Variants in NAALADL2 observed in about 807,000 individuals in gnomAD.
NAALADL2 encodes inactive N-acetylated-alpha-linked acidic dipeptidase-like protein 2.
NAALADL2 carries 76 observed loss-of-function variants against 87.2 expected under a neutral mutation model. The observed-to-expected ratio is 0.87, with a 90% CI of 0.72 to 1.05. NAALADL2 has a LOEUF of 1.05. NAALADL2 is among the 50% of genes least tolerant of loss of function. The pLI, the probability that NAALADL2 is intolerant of heterozygous loss-of-function variation, is 0.00. For synonymous variants in NAALADL2, 354 were observed against 331.0 expected (o/e 1.07, Z -0.75); for missense variants, 1,089 against 945.8 (o/e 1.15, Z -1.99).
chr3:174,446,026 TTAA>T (rs1715026930), intron 1 of NAALADL2, among the ~76,000 whole-genome samples: 1 of 152,192 alleles, frequency 6.6e-6, no homozygotes. Flanking sequence ...AAATTGTAAT[TTAA>T]TTGTTTTGAC....
chr3:175,582,469 T>A (rs1719929065), intron 10 of NAALADL2, among the ~76,000 whole-genome samples: 1 of 152,340 alleles, frequency 6.6e-6, no homozygotes, highest in Admixed American at 6.5e-5. Context: ...CTTGTGATCA[T>A]CTTTGTTATG....
chr3:174,610,932 T>G (rs1036133467), intron 2 of NAALADL2, among the ~76,000 whole-genome samples: 57 of 152,206 alleles, frequency 3.7e-4, no homozygotes, highest in Middle Eastern at 3.4e-3. Flanking sequence ...CCAACAGTGA[T>G]AGACTGGATT....
chr3:174,518,263 G>A (rs1214441778), intron 1 of NAALADL2, among the ~76,000 whole-genome samples: 9 of 152,038 alleles, frequency 5.9e-5, no homozygotes, highest in African/African-American at 2.2e-4. Flanking sequence ...GACCAACATT[G>A]GCCATCAGCT....
chr3:175,049,081 T>G (rs1755039706), intron 1 of NAALADL2, among the ~76,000 whole-genome samples: 1 of 152,146 alleles, frequency 6.6e-6, no homozygotes, highest in Admixed American at 6.6e-5. Context: ...TAACCTTGAA[T>G]AGTACTCAAC....
At chr3:175,792,186 G>GGTACTTTTTCTTAGC (rs1752872121) in intron 13 of NAALADL2, among the ~76,000 whole-genome samples, 1 of 152,126 alleles carries the variant, frequency 6.6e-6, no homozygotes, top group African/African-American at 2.4e-5. Flanking sequence ...CGAATAAACT[G>GGTACTTTTTCTTAGC]TGAGGAAATT....
intron 9 of NAALADL2, among the ~76,000 whole-genome samples, chr3:175,487,229 A>G (rs1372029352): frequency 1.3e-5 from 2 of 152,050 alleles, no homozygotes; most frequent in Non-Finnish European, 2.9e-5. Context: ...GTAATTTGCA[A>G]TCCCCACTGC....
chr3:175,779,869 T>C (rs1295644617), intron 13 of NAALADL2, among the ~76,000 whole-genome samples: 1 of 152,216 alleles, frequency 6.6e-6, no homozygotes, highest in Non-Finnish European at 1.5e-5. Context: ...GAATGTCTTT[T>C]ATTCTTACTG....
rs893201783 is a variant in NAALADL2 at position 175,160,488 on chromosome 3, G to A, written c.545+63197G>A. ...CTGCCTCAGCCTCCTAAGTAACTGG[G>A]ATTACAGGCATGCACCTCCACATCC... is the stretch of plus-strand genomic sequence containing the variant. On this transcript the variant is annotated intron_variant, in intron 2 of 13. Coordinates refer to ENST00000454872, the MANE Select transcript of NAALADL2 (RefSeq NM_207015.3). 8.7e-5 allele frequency among the ~76,000 whole-genome samples: 13 copies of A among 148,616 alleles called. No homozygotes were observed. In the East Asian group the frequency reaches 2.7e-3, roughly 30 times the overall value.
At chr3:175,243,629 T>C (rs1408411331) in intron 3 of NAALADL2, among the ~76,000 whole-genome samples, 2 of 142,668 alleles carry the variant, frequency 1.4e-5, no homozygotes, top group Non-Finnish European at 3.0e-5. Flanking sequence ...AGATTGCCAA[T>C]TACAGCATGG....
intron 5 of NAALADL2, among the ~76,000 whole-genome samples, chr3:175,368,705 A>G (rs1253970322): frequency 6.6e-6 from 1 of 152,086 alleles, no homozygotes; most frequent in Non-Finnish European, 1.5e-5. Context: ...AGAGAACATC[A>G]TAGAGTGCAC....
chr3:175,718,606 G>T (rs112257318), intron 11 of NAALADL2: 56 of 1,593,698 alleles, frequency 3.5e-5, no homozygotes, highest in Non-Finnish European at 4.6e-5. Flanking sequence ...GGCCTTCTTC[G>T]AGTTTTTCCA....
intron 9 of NAALADL2, among the ~76,000 whole-genome samples, chr3:175,555,568 A>C (rs114808675): frequency 6.6e-6 from 1 of 152,174 alleles, no homozygotes; most frequent in Non-Finnish European, 1.5e-5. Flanking sequence ...GCTCCTTGAC[A>C]ATATAAAATA....
intron 4 of NAALADL2, among the ~76,000 whole-genome samples, chr3:175,265,900 A>G (rs1455520906): frequency 6.6e-6 from 1 of 151,328 alleles, no homozygotes; most frequent in Non-Finnish European, 1.5e-5. Context: ...TTAATTTATT[A>G]TCCTCATGAA....
chr3:175,032,941 T>C (rs1342383573), intron 1 of NAALADL2, among the ~76,000 whole-genome samples: 6 of 152,092 alleles, frequency 3.9e-5, no homozygotes, highest in African/African-American at 1.4e-4. Context: ...TCTCCTGTCA[T>C]GTTCATTTGT....
chr3:175,104,095 AT>A (rs1296166804), intron 2 of NAALADL2, among the ~76,000 whole-genome samples: 1 of 151,916 alleles, frequency 6.6e-6, no homozygotes, highest in East Asian at 1.9e-4. Context: ...CAGTTTTCTC[AT>A]TTTTTTAATC....
intron 5 of NAALADL2, among the ~76,000 whole-genome samples, chr3:175,390,643 CAGTT>C (rs1461031694): frequency 6.6e-6 from 1 of 152,044 alleles, no homozygotes; most frequent in Non-Finnish European, 1.5e-5. Flanking sequence ...ATGCAGCTAT[CAGTT>C]GGGTGGTAAG....
At chr3:175,607,907 A>ACG (rs2149662934) in intron 10 of NAALADL2, among the ~76,000 whole-genome samples, 1 of 38,438 alleles carries the variant, frequency 2.6e-5, no homozygotes, top group Non-Finnish European at 8.8e-5. Context: ...GAACACACAC[A>ACG]CACACGCACA....
intron 3 of NAALADL2, among the ~76,000 whole-genome samples, chr3:174,772,930 A>G (rs1248474091): frequency 6.6e-6 from 1 of 152,240 alleles, no homozygotes. Context: ...GAATTAAAAA[A>G]TACAGGGATG....
intron 11 of NAALADL2, among the ~76,000 whole-genome samples, chr3:175,682,277 A>T (rs112538867): frequency 6.6e-6 from 1 of 152,046 alleles, no homozygotes; most frequent in Non-Finnish European, 1.5e-5. Context: ...AAATTTTATA[A>T]CATATGTGTT....
Sources: allele counts gnomAD v4.1 joint callset (sites outside exome capture counted in the v4.1 genomes callset), GRCh38; gene constraint gnomAD v4.1.1; transcripts MANE v1.5; gene names NCBI Gene and HGNC (gene_info 2026-07-23, HGNC 2026-07-21).